RTN1: variants seen among roughly 807,000 people sequenced by gnomAD.
RTN1 encodes reticulon-1.
Under a neutral mutation model 65.5 loss-of-function variants are expected in RTN1, and 25 were observed. The observed-to-expected ratio is 0.38, with a 90% CI of 0.28 to 0.53. The LOEUF is 0.53. Ranked by LOEUF, RTN1 falls within the 20% of genes least tolerant of loss-of-function variation. The probability of loss-of-function intolerance (pLI) is 0.79; values close to 1 mark genes in which losing one functional copy is unlikely to be tolerated. For synonymous variants in RTN1, 471 were observed against 447.6 expected (o/e 1.05, Z -0.66); for missense variants, 983 against 1,025.4 (o/e 0.96, Z 0.57).
chr14:59,757,184 G>A (rs1014551787), intron 1 of RTN1, among the ~76,000 whole-genome samples: 1 of 152,094 alleles, frequency 6.6e-6, no homozygotes, highest in Admixed American at 6.5e-5. Context: ...TAGGAGATGG[G>A]ACCTTTGGGA....
chr14:59,611,559 G>T (rs1881950112), intron 3 of RTN1, among the ~76,000 whole-genome samples: 1 of 152,114 alleles, frequency 6.6e-6, no homozygotes, highest in Non-Finnish European at 1.5e-5. Flanking sequence ...TAGCCTATGG[G>T]GGGTGTCTGT....
chr14:59,717,367 T>C (rs1418316570), intron 3 of RTN1, among the ~76,000 whole-genome samples: 1 of 152,174 alleles, frequency 6.6e-6, no homozygotes, highest in African/African-American at 2.4e-5. Flanking sequence ...GGATTACTAT[T>C]AGTGGTAGTG....
chr14:59,809,917 T>C (rs1217160839), intron 1 of RTN1, among the ~76,000 whole-genome samples: 1 of 152,152 alleles, frequency 6.6e-6, no homozygotes, highest in Admixed American at 6.6e-5. Context: ...ACTTCTGAAA[T>C]AAGCACTTTT....
chr14:59,663,667 G>T (rs1165992601), intron 3 of RTN1, among the ~76,000 whole-genome samples: 1 of 151,750 alleles, frequency 6.6e-6, no homozygotes, highest in East Asian at 1.9e-4. Flanking sequence ...GTGGGCAAAG[G>T]ATATGAACAG....
chr14:59,694,486 T>C (rs909570558), intron 3 of RTN1, among the ~76,000 whole-genome samples: 1 of 152,204 alleles, frequency 6.6e-6, no homozygotes, highest in Admixed American at 6.5e-5. Context: ...ATATTTTATA[T>C]AACAAAGCAT....
rs542897162 is a variant in RTN1, at chr14:59,832,736, C to T, written c.241+37654G>A. On this transcript the variant is annotated intron_variant, in intron 1 of 8. Transcript: ENST00000267484. ...CATTTACATTAACCTCTTGTGCTAA[C>T]ATACACAGAGATGCTATGGTGTCAT... Among the ~76,000 whole-genome samples, 4 of 152,340 alleles carry T rather than the reference C, an allele frequency of 2.6e-5. No homozygotes were observed. In the South Asian group the frequency reaches 8.3e-4, roughly 32 times the overall value.
chr14:59,728,249 C>CTTTTTTTTT (rs200434592), intron 2 of RTN1, among the ~76,000 whole-genome samples: 6 of 124,162 alleles, frequency 4.8e-5, no homozygotes, highest in African/African-American at 1.5e-4. Context: ...GAATCAGTAT[C>CTTTTTTTTT]TTTTTTTTTT....
At chr14:59,813,081 C>T (rs571560798) in intron 1 of RTN1, among the ~76,000 whole-genome samples, 2 of 152,116 alleles carry the variant, frequency 1.3e-5, no homozygotes, top group Non-Finnish European at 2.9e-5. Flanking sequence ...TAAACACATG[C>T]ACACTCTCCC....
chr14:59,835,305 T>C (rs2139646190), intron 1 of RTN1, among the ~76,000 whole-genome samples: 1 of 152,024 alleles, frequency 6.6e-6, no homozygotes, highest in East Asian at 1.9e-4. Flanking sequence ...AGGAAACTAA[T>C]GAAAAGTGAC....
intron 1 of RTN1, among the ~76,000 whole-genome samples, chr14:59,762,882 C>G (rs1273146617): frequency 2.6e-5 from 4 of 152,134 alleles, no homozygotes; most frequent in African/African-American, 9.7e-5. Context: ...ACTATTTTGC[C>G]TTTTAACAGA....
rs565950887 is a variant in RTN1 at position 59,846,517 on chromosome 14, T to G, written c.241+23873A>C. On this transcript the variant is annotated intron_variant, in intron 1 of 8. Transcript: ENST00000267484. This position sits in a 1 kb window ranked among gnomAD's most constrained non-coding sequence, Gnocchi z 4.8. Reference sequence around the variant, plus strand: ...CTCAGAGTCCCTACCCAGACACCCTTCTGTTCAGTGTTTCTCAGTGGTTAC... The same window carrying G: ...CTCAGAGTCCCTACCCAGACACCCTGCTGTTCAGTGTTTCTCAGTGGTTAC... Among the ~76,000 whole-genome samples, 14 of 152,138 alleles carry G rather than the reference T, an allele frequency of 9.2e-5. No homozygotes were observed. Among genetic ancestry groups the G allele is most frequent in the African/African-American group, 3.4e-4 (14 of 41,510 alleles).
intron 1 of RTN1, among the ~76,000 whole-genome samples, chr14:59,788,825 A>G (rs776146614): frequency 7.2e-5 from 11 of 151,976 alleles, no homozygotes; most frequent in Non-Finnish European, 1.5e-4. Flanking sequence ...ACATGGGTTT[A>G]TTTTTCCAGA....
intron 1 of RTN1, among the ~76,000 whole-genome samples, chr14:59,869,748 G>A (rs557938165): frequency 6.6e-6 from 1 of 152,192 alleles, no homozygotes; most frequent in Non-Finnish European, 1.5e-5. Flanking sequence ...TTGGGCGGGG[G>A]CAGCCACAGC....
At chr14:59,823,928 C>A (rs76135751) in intron 1 of RTN1, among the ~76,000 whole-genome samples, 1 of 152,168 alleles carries the variant, frequency 6.6e-6, no homozygotes, top group Admixed American at 6.5e-5. Flanking sequence ...TATCTTTACA[C>A]GATCCAGTAT....
chr14:59,755,340 TATTAA>T (rs1885616480), intron 1 of RTN1, among the ~76,000 whole-genome samples: 1 of 152,244 alleles, frequency 6.6e-6, no homozygotes, highest in South Asian at 2.1e-4. Context: ...ACATTAGTCC[TATTAA>T]ATTGAGAATT....
chr14:59,625,620 A>C (rs1882375263), intron 3 of RTN1, among the ~76,000 whole-genome samples: 1 of 152,116 alleles, frequency 6.6e-6, no homozygotes, highest in African/African-American at 2.4e-5. Flanking sequence ...ATTTTTATGC[A>C]ATATCTAGAT....
At chr14:59,662,520 A>G (rs1042139083) in intron 3 of RTN1, among the ~76,000 whole-genome samples, 3 of 152,112 alleles carry the variant, frequency 2.0e-5, no homozygotes, top group African/African-American at 7.2e-5. Context: ...ATAGTATTCC[A>G]TGGAGTATAT....
chr14:59,819,789 C>T (rs962205225), intron 1 of RTN1, among the ~76,000 whole-genome samples: 1 of 152,294 alleles, frequency 6.6e-6, no homozygotes, highest in Non-Finnish European at 1.5e-5. Context: ...GGACCCGGTG[C>T]ATCCTACTCA....
intron 3 of RTN1, among the ~76,000 whole-genome samples, chr14:59,647,293 C>G (rs964861685): frequency 6.6e-6 from 1 of 152,242 alleles, no homozygotes; most frequent in African/African-American, 2.4e-5. Flanking sequence ...CACCCAGATT[C>G]ACAAAGCAAG....
Sources: allele counts gnomAD v4.1 joint callset (sites outside exome capture counted in the v4.1 genomes callset), GRCh38; gene constraint gnomAD v4.1.1; non-coding constraint Gnocchi (gnomAD v3.1); transcripts MANE v1.5; gene names NCBI Gene and HGNC (gene_info 2026-07-23, HGNC 2026-07-21).